SEMA6D: variants seen among roughly 807,000 people sequenced by gnomAD.
SEMA6D encodes the protein semaphorin-6D.
A neutral mutation model predicts 106.6 loss-of-function variants in SEMA6D; 35 were observed. The observed-to-expected ratio is 0.33, with a 90% CI of 0.25 to 0.44. The LOEUF is 0.44. Among genes scored for constraint, SEMA6D ranks in the 20% least tolerant of loss-of-function variants. The probability of loss-of-function intolerance (pLI) is 1.00; values close to 1 mark genes in which losing one functional copy is unlikely to be tolerated. For synonymous variants in SEMA6D, 499 were observed against 487.7 expected (o/e 1.02, Z -0.31); for missense variants, 1,185 against 1,345.9 (o/e 0.88, Z 1.87).
chr15:47,379,743 T>C (rs367826002), intron 1 of SEMA6D, among the ~76,000 whole-genome samples: 1 of 152,128 alleles, frequency 6.6e-6, no homozygotes, highest in East Asian at 1.9e-4. Context: ...AGATTTTATT[T>C]TTTTAATTTT....
intron 4 of SEMA6D, among the ~76,000 whole-genome samples, chr15:47,647,719 C>CAAAAAA (rs777557315): frequency 1.1e-5 from 1 of 93,778 alleles, no homozygotes. Flanking sequence ...CAATTGTGGG[C>CAAAAAA]AAAAAAAAAA....
At position 47,252,576 on chromosome 15, in the gene SEMA6D, A is replaced by G. The variant is rs2033583205; in HGVS notation, c.-239+68158A>G. On this transcript the variant is annotated intron_variant, in intron 1 of 19. Transcript: ENST00000558014. ...CTCCACCCCTCCACAGCCTTTAGTA[A>G]CCACCACTCTACTCTGTAGTTACAT... Among the ~76,000 whole-genome samples, 4 of 152,122 alleles carry G rather than the reference A, an allele frequency of 2.6e-5. No homozygotes were observed. In the South Asian group the frequency reaches 8.3e-4, roughly 32 times the overall value.
intron 1 of SEMA6D, among the ~76,000 whole-genome samples, chr15:47,207,305 C>A (rs1895138400): frequency 1.3e-5 from 2 of 152,180 alleles, no homozygotes; most frequent in African/African-American, 4.8e-5. Context: ...CTTATTTCCT[C>A]CTCTGTGCCA....
intron 4 of SEMA6D, among the ~76,000 whole-genome samples, chr15:47,644,584 A>T (rs1321070959): frequency 3.9e-4 from 59 of 152,324 alleles, no homozygotes; most frequent in Non-Finnish European, 2.4e-4. Flanking sequence ...GCCCTTACAA[A>T]GGGGCTTGAT....
chr15:47,444,092 A>G (rs1388767968), intron 2 of SEMA6D, among the ~76,000 whole-genome samples: 1 of 152,158 alleles, frequency 6.6e-6, no homozygotes, highest in Non-Finnish European at 1.5e-5. Context: ...GTCTCTTTCA[A>G]CAACTACATC....
intron 4 of SEMA6D, among the ~76,000 whole-genome samples, chr15:47,684,324 A>G (rs1430941924): frequency 6.6e-6 from 1 of 152,150 alleles, no homozygotes; most frequent in Non-Finnish European, 1.5e-5. Context: ...TACTTAGTAC[A>G]TGCTTGATAC....
chr15:47,583,250 G>A (rs1490633849), intron 3 of SEMA6D, among the ~76,000 whole-genome samples: 4 of 152,186 alleles, frequency 2.6e-5, no homozygotes, highest in Non-Finnish European at 2.9e-5. Flanking sequence ...TTCTAGGATG[G>A]TGCCTTGGAA....
intron 1 of SEMA6D, among the ~76,000 whole-genome samples, chr15:47,324,630 C>CAT (rs1043001272): frequency 2.0e-5 from 3 of 150,960 alleles, no homozygotes; most frequent in Non-Finnish European, 4.4e-5. Context: ...AAGATATACA[C>CAT]ATATATATGT....
chr15:47,307,908 C>T (rs1029672882), intron 1 of SEMA6D, among the ~76,000 whole-genome samples: 1 of 152,112 alleles, frequency 6.6e-6, no homozygotes, highest in African/African-American at 2.4e-5. Context: ...TATGCCATGA[C>T]ATACTTGTTT....
chr15:47,602,973 G>T (rs2076694214), intron 4 of SEMA6D, among the ~76,000 whole-genome samples: 1 of 152,114 alleles, frequency 6.6e-6, no homozygotes, highest in South Asian at 2.1e-4. Context: ...CCAGGCAAGA[G>T]GATAAGCTTT....
intron 1 of SEMA6D, among the ~76,000 whole-genome samples, chr15:47,311,957 C>T (rs1361033383): frequency 6.6e-6 from 1 of 152,106 alleles, no homozygotes; most frequent in African/African-American, 2.4e-5. Context: ...TCCAGTTTGC[C>T]ATCTTCAGCA....
intron 1 of SEMA6D, among the ~76,000 whole-genome samples, chr15:47,309,774 G>A (rs1377107376): frequency 6.6e-6 from 1 of 152,128 alleles, no homozygotes; most frequent in African/African-American, 2.4e-5. Context: ...CTAACACAAA[G>A]TCTATTTTAT....
chr15:47,491,807 C>A (rs1387643115), intron 3 of SEMA6D, among the ~76,000 whole-genome samples: 1 of 152,142 alleles, frequency 6.6e-6, no homozygotes, highest in Non-Finnish European at 1.5e-5. Context: ...CTATGTAATT[C>A]ATCTTCTCTT....
chr15:47,386,076 A>G (rs2039829128), intron 1 of SEMA6D, among the ~76,000 whole-genome samples: 1 of 152,222 alleles, frequency 6.6e-6, no homozygotes, highest in African/African-American at 2.4e-5. Context: ...CATATGTAAA[A>G]CCATAGGACA....
chr15:47,235,919 T>C (rs565554138), intron 1 of SEMA6D, among the ~76,000 whole-genome samples: 19 of 152,234 alleles, frequency 1.2e-4, no homozygotes, highest in African/African-American at 4.3e-4. Flanking sequence ...ATAAGAATTC[T>C]TTGTTACTTT....
chr15:47,707,851 C>T (rs888450711), intron 4 of SEMA6D, among the ~76,000 whole-genome samples: 2 of 152,200 alleles, frequency 1.3e-5, no homozygotes, highest in African/African-American at 2.4e-5. Flanking sequence ...CAAAACCATA[C>T]TCAATTATCC....
intron 4 of SEMA6D, among the ~76,000 whole-genome samples, chr15:47,669,607 C>T (rs1188179625): frequency 1.3e-5 from 2 of 152,208 alleles, no homozygotes; most frequent in Non-Finnish European, 2.9e-5. Context: ...TTACCCTAGC[C>T]TTTTCCATTT....
chr15:47,629,355 T>C (rs2077256093), intron 4 of SEMA6D, among the ~76,000 whole-genome samples: 1 of 151,974 alleles, frequency 6.6e-6, no homozygotes, highest in Non-Finnish European at 1.5e-5. Context: ...AACCAATAGG[T>C]CAATTTAGAA....
intron 3 of SEMA6D, among the ~76,000 whole-genome samples, chr15:47,563,243 A>G (rs1338433154): frequency 6.6e-6 from 1 of 152,196 alleles, no homozygotes; most frequent in Non-Finnish European, 1.5e-5. Context: ...GGCATGTCCA[A>G]AATCTGGATT....
Sources: allele counts gnomAD v4.1 joint callset (sites outside exome capture counted in the v4.1 genomes callset), GRCh38; gene constraint gnomAD v4.1.1; transcripts MANE v1.5; gene names NCBI Gene and HGNC (gene_info 2026-07-23, HGNC 2026-07-21).